The following LEKR1 variants were observed in gnomAD, a reference collection of about 807,000 sequenced individuals.
The protein encoded by LEKR1 is leucine, glutamate and lysine rich 1.
In LEKR1, 59 loss-of-function variants were observed where a neutral mutation model predicts 72.4. The ratio of observed to expected loss-of-function variants is 0.82; its 90% CI spans 0.66 to 1.01. The LOEUF is 1.01. Among genes scored for constraint, LEKR1 ranks in the 50% least tolerant of loss-of-function variants. LEKR1 has a pLI of 0.00. For synonymous variants in LEKR1, 257 were observed against 263.2 expected, an observed-to-expected ratio of 0.98 and a Z score of 0.23; for missense variants, 728 against 759.2, an observed-to-expected ratio of 0.96 and a Z score of 0.48.
chr3:157,041,743 A>G (rs963903506), intron 12 of LEKR1, among the ~76,000 whole-genome samples: 1 of 151,942 alleles, frequency 6.6e-6, no homozygotes, highest in Non-Finnish European at 1.5e-5. Context: ...AGATAATTTT[A>G]TCTAAAACAT....
intron 9 of LEKR1, among the ~76,000 whole-genome samples, chr3:156,995,957 C>G (rs1180969062): frequency 6.6e-6 from 1 of 152,150 alleles, no homozygotes; most frequent in African/African-American, 2.4e-5. Flanking sequence ...CAGATTTTGT[C>G]TGCCTTGTCC....
chr3:156,837,892 T>C (rs1713359458), intron 2 of LEKR1, among the ~76,000 whole-genome samples: 1 of 152,202 alleles, frequency 6.6e-6, no homozygotes, highest in Non-Finnish European at 1.5e-5. Context: ...GTACCATAGC[T>C]GTGGGGGCCA....
At chr3:156,936,372 A>ACT (rs1340491038) in intron 5 of LEKR1, among the ~76,000 whole-genome samples, 1 of 150,068 alleles carries the variant, frequency 6.7e-6, no homozygotes. Context: ...TTATATCCTG[A>ACT]CTCTGCCACT....
chr3:156,891,479 A>T (rs7610749), intron 3 of LEKR1, among the ~76,000 whole-genome samples: 4,388 of 152,228 alleles, frequency 0.029, 221 homozygotes, highest in African/African-American at 0.1. Flanking sequence ...TTAGTAAGGG[A>T]GAAATATAAG....
At chr3:156,930,042 G>A (rs1725063734) in intron 5 of LEKR1, among the ~76,000 whole-genome samples, 1 of 152,118 alleles carries the variant, frequency 6.6e-6, no homozygotes, top group Non-Finnish European at 1.5e-5. Flanking sequence ...GTGTGGTTTG[G>A]CAGAACAACT....
intron 2 of LEKR1, among the ~76,000 whole-genome samples, chr3:156,832,109 G>C (rs115808248): frequency 6.6e-6 from 1 of 152,154 alleles, no homozygotes; most frequent in Non-Finnish European, 1.5e-5. Context: ...ATTCATGTGT[G>C]CCAGGTTGAG....
intron 3 of LEKR1, among the ~76,000 whole-genome samples, chr3:156,894,225 A>G (rs904505094): frequency 6.6e-6 from 1 of 152,162 alleles, no homozygotes; most frequent in African/African-American, 2.4e-5. Context: ...GGTACCTGTT[A>G]TCCATTTGAC....
At chr3:156,933,212 A>G (rs1374844659) in intron 5 of LEKR1, among the ~76,000 whole-genome samples, 7 of 152,096 alleles carry the variant, frequency 4.6e-5, no homozygotes, top group African/African-American at 1.7e-4. Flanking sequence ...TTACATAATT[A>G]TATTTCATTT....
At chr3:156,994,108 T>C (rs780514709) in intron 9 of LEKR1, among the ~76,000 whole-genome samples, 1 of 152,092 alleles carries the variant, frequency 6.6e-6, no homozygotes, top group Non-Finnish European at 1.5e-5. Flanking sequence ...AGGCACATGA[T>C]AGGTTATTTG....
At chr3:156,856,332 G>A (rs1716058681) in intron 3 of LEKR1, among the ~76,000 whole-genome samples, 1 of 152,076 alleles carries the variant, frequency 6.6e-6, no homozygotes, top group South Asian at 2.1e-4. Context: ...TTGAGTCAGG[G>A]CCACACTTTT....
intron 3 of LEKR1, among the ~76,000 whole-genome samples, chr3:156,902,874 C>G (rs1485923760): frequency 6.6e-6 from 1 of 151,850 alleles, no homozygotes; most frequent in Non-Finnish European, 1.5e-5. Context: ...TTTAATTATA[C>G]AGTTTAATAT....
chr3:156,867,348 A>G (rs1423910252), intron 3 of LEKR1, among the ~76,000 whole-genome samples: 1 of 152,066 alleles, frequency 6.6e-6, no homozygotes, highest in Non-Finnish European at 1.5e-5. Context: ...CCTAGGACTT[A>G]TGATTAATTT....
chr3:157,042,749 C>T (rs1214790105), intron 12 of LEKR1, among the ~76,000 whole-genome samples: 1 of 152,022 alleles, frequency 6.6e-6, no homozygotes, highest in African/African-American at 2.4e-5. Context: ...TATTGTTGTG[C>T]CTGTTATTCA....
chr3:156,960,736 T>C (rs16826938), intron 6 of LEKR1, among the ~76,000 whole-genome samples: 4,451 of 152,278 alleles, frequency 0.029, 234 homozygotes, highest in African/African-American at 0.1. Context: ...AGTTTAATAG[T>C]GGTTTAGGAG....
At position 157,016,794 on chromosome 3, in the gene LEKR1, A is replaced by G. The variant is rs367903176; in HGVS notation, c.1203+5288A>G. 2.6e-5 allele frequency among the ~76,000 whole-genome samples: 4 copies of G among 152,334 alleles called. No individual in the cohort carries two copies. The East Asian group carries it at 7.7e-4, about 29-fold the overall frequency. On this transcript the variant is annotated intron_variant, in intron 10 of 12. Coordinates refer to ENST00000356539, the MANE Select transcript of LEKR1 (RefSeq NM_001004316.3). ...AATGGCTGAGAGGGTAGAAGTGGAA[A>G]TATATTACTGTGAGATTCTTATACA... is the stretch of plus-strand genomic sequence containing the variant.
chr3:156,844,215 C>G (rs569894940), intron 2 of LEKR1, among the ~76,000 whole-genome samples: 2 of 152,148 alleles, frequency 1.3e-5, no homozygotes, highest in African/African-American at 4.8e-5. Context: ...TGCTCAATAA[C>G]ATGTCTTTAT....
intron 5 of LEKR1, among the ~76,000 whole-genome samples, chr3:156,939,264 C>T (rs1038068607): frequency 3.0e-4 from 46 of 152,126 alleles, no homozygotes; most frequent in African/African-American, 8.4e-4. Flanking sequence ...CAGACACCTA[C>T]GGACACCATG....
intron 3 of LEKR1, among the ~76,000 whole-genome samples, chr3:156,880,011 G>A (rs1719095770): frequency 6.6e-6 from 1 of 152,242 alleles, no homozygotes; most frequent in Non-Finnish European, 1.5e-5. Flanking sequence ...GTGAAGAAGA[G>A]TAATGTGGGG....
In LEKR1 at chr3:156,920,662, A is replaced by G. The variant is rs1560081075; in HGVS notation, c.351A>G (p.Leu117=). The part of the protein sequence containing the change: ...KKQLSHLQDE[L]KIKYRQSYIF... ...AACTGAGTCATTTGCAAGATGAGCT[A>G]AAAATTAAATATAGACAATCATACA... is the stretch of plus-strand genomic sequence containing the variant. The change falls in exon 4 of 13, where the codon CTA becomes CTG. Residue 117 remains leucine, a synonymous_variant. Coordinates refer to ENST00000356539, the MANE Select transcript of LEKR1 (RefSeq NM_001004316.3). 2.1e-6 allele frequency: 3 copies of G among 1,434,308 alleles called. No homozygotes were observed. Among genetic ancestry groups the G allele is most frequent in the Admixed American group, 2.1e-5 (1 of 47,802 alleles). 88.8% of individuals were successfully genotyped at this position (1,434,308 alleles called of 1,614,324 possible).
Sources: allele counts gnomAD v4.1 joint callset (sites outside exome capture counted in the v4.1 genomes callset), GRCh38; gene constraint gnomAD v4.1.1; transcripts MANE v1.5; gene names NCBI Gene and HGNC (gene_info 2026-07-23, HGNC 2026-07-21).